The following EFCAB8 variants were observed in gnomAD, a reference collection of about 807,000 sequenced individuals.
EFCAB8 encodes the protein EF-hand calcium-binding domain-containing protein 8.
EFCAB8 carries 100 observed loss-of-function variants against 116.3 expected under a neutral mutation model. The observed-to-expected ratio is 0.86, with a 90% CI of 0.73 to 1.02. EFCAB8 has a LOEUF of 1.02. Among genes scored for constraint, EFCAB8 ranks in the 50% least tolerant of loss-of-function variants. The pLI, the probability that EFCAB8 is intolerant of heterozygous loss-of-function variation, is 0.00. For missense variants in EFCAB8, 1,320 were observed against 1,416.9 expected, an observed-to-expected ratio of 0.93 and a Z score of 1.10; for synonymous variants, 558 against 567.9, an observed-to-expected ratio of 0.98 and a Z score of 0.25.
At chr20:32,943,285 C>T (rs1433669918) in intron 22 of EFCAB8, among the ~76,000 whole-genome samples, 1 of 152,164 alleles carries the variant, frequency 6.6e-6, no homozygotes, top group Non-Finnish European at 1.5e-5. Context: ...TTATATACTT[C>T]TTATAAGGTT....
intron 9 of EFCAB8, among the ~76,000 whole-genome samples, chr20:32,893,776 G>A (rs756550447): frequency 6.6e-6 from 1 of 152,138 alleles, no homozygotes; most frequent in Non-Finnish European, 1.5e-5. Context: ...GCTGGCATGG[G>A]TGAGTGGGCA....
Position 32,909,986 on chromosome 20 carries a change from G to A in EFCAB8, c.1557+55G>A, listed in dbSNP as rs983800456. 8 of 970,224 alleles carry A rather than the reference G, an allele frequency of 8.2e-6. No individual in the cohort carries two copies. In the African/African-American group the frequency reaches 1.2e-4, roughly 14 times the overall value. The allele number at this position is 970,224 out of a possible 1,614,324, so 60.1% of individuals were successfully genotyped here. On this transcript the variant is annotated intron_variant, in intron 15 of 26. Coordinates refer to ENST00000400522, the MANE Select transcript of EFCAB8 (RefSeq NM_001143967.2). ...TGGCGGGAACACCAGGTGACACGGG[G>A]CAGAACCAGACCTCCCTGTGTGCCT...
chr20:32,878,515 T>C (rs1037669461), intron 4 of EFCAB8, among the ~76,000 whole-genome samples, 189 bp from the exon 5 acceptor site: 3 of 148,232 alleles, frequency 2.0e-5, no homozygotes, highest in African/African-American at 7.4e-5. Flanking sequence ...GTTCTTTTTT[T>C]TTTTTTTTTT....
At chr20:32,947,084 C>T (rs772780123) in intron 23 of EFCAB8, among the ~76,000 whole-genome samples, 2 of 152,074 alleles carry the variant, frequency 1.3e-5, no homozygotes, top group Non-Finnish European at 2.9e-5. Context: ...TGAATGAAGC[C>T]GCTTTAAACA....
chr20:32,956,157 C>T (rs1568951051), intron 23 of EFCAB8, among the ~76,000 whole-genome samples: 1 of 151,832 alleles, frequency 6.6e-6, no homozygotes, highest in Non-Finnish European at 1.5e-5. Context: ...TAGTGATTAC[C>T]TTAGAGATTA....
At chr20:32,912,439 AAAAAAAGAAG>A (rs1392949702) in intron 16 of EFCAB8, among the ~76,000 whole-genome samples, 2 of 130,062 alleles carry the variant, frequency 1.5e-5, no homozygotes, top group African/African-American at 6.2e-5. Flanking sequence ...TCAAAAAAAA[AAAAAAAGAAG>A]AAGAAGAAAG....
intron 24 of EFCAB8, 80 bp downstream of exon 24, chr20:32,958,630 C>A (rs1989046231): frequency 4.9e-6 from 2 of 407,652 alleles, no homozygotes; most frequent in Non-Finnish European, 8.9e-6. Context: ...TGGGAAGCCT[C>A]TACCTGGGTT....
rs1189604479 is a variant in EFCAB8, at chr20:32,906,919, A to G, written c.1233A>G (p.Gly411=). 2.6e-6 allele frequency: 4 copies of G among 1,550,686 alleles called. No homozygotes were observed. In the African/African-American group the frequency reaches 5.5e-5, roughly 21 times the overall value. Residue 411 remains glycine, a synonymous_variant, in exon 13 of 27, where the codon GGA becomes GGG. Transcript: ENST00000400522. ...AGAGGCCCGTGTGGCTGATGAAGGG[A>G]CACCAGACCTCAGTGACGCACATCC... The part of the protein sequence containing the change: ...VSKRPVWLMK[G]HQTSVTHILV...
intron 19 of EFCAB8, among the ~76,000 whole-genome samples, chr20:32,919,825 T>A (rs373411849): frequency 1.3e-5 from 2 of 152,002 alleles, no homozygotes. Flanking sequence ...ACCAGGATGG[T>A]CTCTTCCAGG....
In EFCAB8 at chr20:32,894,833, C is replaced by G. The variant is rs376906044; in HGVS notation, c.883+1535C>G. On this transcript the variant is annotated intron_variant, in intron 9 of 26. Transcript: ENST00000400522. ...CTCACAGCCTAGTAGGAGAGACAGG[C>G]AGGTAAACTGATGATTAAACCACAG... Among the ~76,000 whole-genome samples the G allele has an allele frequency of 5.3e-5, 8 of 152,232 alleles. No homozygotes were observed. The East Asian group carries it at 9.6e-4, about 18-fold the overall frequency.
At chr20:32,911,348 T>G in intron 15 of EFCAB8, 132 bp from the exon 16 acceptor site, 1 of 728,132 alleles carries the variant, frequency 1.4e-6, no homozygotes, top group Non-Finnish European at 2.1e-6. Flanking sequence ...AAGTGGCTTA[T>G]GCTGTAGCAG....
intron 11 of EFCAB8, among the ~76,000 whole-genome samples, chr20:32,902,101 G>T (rs142291552): frequency 6.6e-6 from 1 of 152,148 alleles, no homozygotes; most frequent in African/African-American, 2.4e-5. Flanking sequence ...GCTAGTCCAC[G>T]TTAATATTTC....
chr20:32,867,698 C>T lies in EFCAB8; in HGVS notation c.159C>T (p.His53=). 2 of 1,551,688 alleles carry T rather than the reference C, an allele frequency of 1.3e-6. No homozygotes were observed. The highest frequency in any genetic ancestry group is 1.7e-6 in the Non-Finnish European group (2 of 1,146,994). The change falls in exon 3 of 27, where the codon CAC becomes CAT. Residue 53 remains histidine, a synonymous_variant. Coordinates refer to ENST00000400522, the MANE Select transcript of EFCAB8 (RefSeq NM_001143967.2). ...GGTCCCAGCTGTTTACTGAGATACA[C>T]CTGGCCAAGATAGAGAAAATGTTTG... ...QPGSQLFTEI[H]LAKIEKMFEE...
Position 32,920,292 on chromosome 20 carries a change from C to T in EFCAB8, c.2412+77C>T, listed in dbSNP as rs764208452. On this transcript the variant is annotated intron_variant, in intron 20 of 26. Transcript: ENST00000400522. The stretch of plus-strand genomic sequence containing the variant: ...AGGATTGGGTGGTCAGGATGGGGCT[C>T]GGGGGCCTGGGCTCGGGGCCCGGCC... 271 of 1,509,080 alleles carry T rather than the reference C, an allele frequency of 1.8e-4. 1 individual carries two copies. The highest frequency in any genetic ancestry group is 5.1e-4 in the South Asian group (40 of 77,926). The allele number at this position is 1,509,080 out of a possible 1,614,324, so 93.5% of individuals were successfully genotyped here.
intron 22 of EFCAB8, among the ~76,000 whole-genome samples, chr20:32,935,188 C>CTTCTTTT (rs1425422102): frequency 4.3e-4 from 29 of 66,896 alleles, no homozygotes; most frequent in Non-Finnish European, 6.2e-4. Context: ...TTCTTTCTTT[C>CTTCTTTT]TTTCTTTTTT....
chr20:32,945,213 C>G (rs528639521), intron 23 of EFCAB8, among the ~76,000 whole-genome samples: 1 of 152,188 alleles, frequency 6.6e-6, no homozygotes, highest in South Asian at 2.1e-4. Context: ...GGGTTGAGTG[C>G]AGTGGCACGA....
chr20:32,914,712 A>C (rs887379538), intron 17 of EFCAB8, among the ~76,000 whole-genome samples: 1 of 152,174 alleles, frequency 6.6e-6, no homozygotes, highest in Admixed American at 6.5e-5. Context: ...TCACGAGAAC[A>C]GCATGAGGGA....
intron 11 of EFCAB8, chr20:32,903,344 G>T: frequency 6.6e-6 from 1 of 152,490 alleles, no homozygotes. Context: ...GCCTCCTTCT[G>T]TTGTCCTCCG....
intron 20 of EFCAB8, among the ~76,000 whole-genome samples, chr20:32,921,831 CTTT>C (rs11483441): frequency 3.1e-5 from 4 of 130,212 alleles, no homozygotes; most frequent in Non-Finnish European, 3.2e-5. Flanking sequence ...TTACCTTATT[CTTT>C]TTTTTTTTTT....
Sources: gnomAD v4.1 joint callset for allele counts (sites outside exome capture counted in the v4.1 genomes callset) on GRCh38, gnomAD v4.1.1 for gene constraint, MANE v1.5 for transcripts, NCBI Gene and HGNC (gene_info 2026-07-23, HGNC 2026-07-21) for gene names.